Variants in CNBD1 observed in about 807,000 individuals in gnomAD.
CNBD1 encodes cyclic nucleotide-binding domain-containing protein 1.
A neutral mutation model predicts 54.4 loss-of-function variants in CNBD1; 71 were observed. The observed-to-expected ratio is 1.30, with a 90% confidence interval of 1.08 to 1.59. The LOEUF (loss-of-function observed/expected upper bound fraction) is 1.59. Ranked by LOEUF, CNBD1 falls within the 40% of genes most tolerant of loss-of-function variation. The pLI is 0.00. For synonymous variants in CNBD1, 182 were observed against 170.7 expected (o/e 1.07, Z -0.51); for missense variants, 659 against 518.0 (o/e 1.27, Z -2.64).
chr8:87,176,558 A>C (rs2130773480), intron 4 of CNBD1, among the ~76,000 whole-genome samples: 1 of 147,514 alleles, frequency 6.8e-6, no homozygotes, highest in Admixed American at 6.9e-5. Context: ...ATCTCGGCTC[A>C]CTGCAACCCT....
intron 8 of CNBD1, among the ~76,000 whole-genome samples, chr8:87,332,350 GAAAAAA>G (rs34418577): frequency 8.6e-6 from 1 of 116,390 alleles, no homozygotes; most frequent in African/African-American, 3.2e-5. Context: ...TCTGTCTAAA[GAAAAAA>G]AAAAAAAAAA....
chr8:87,391,301 A>C (rs778121419), intron 2 of CNBD1, among the ~76,000 whole-genome samples: 1 of 152,136 alleles, frequency 6.6e-6, no homozygotes, highest in Non-Finnish European at 1.5e-5. Flanking sequence ...AAATTGATGC[A>C]CAAATTCAAT....
chr8:87,424,089 G>A (rs1013107726), intron 2 of CNBD1, among the ~76,000 whole-genome samples: 1 of 152,200 alleles, frequency 6.6e-6, no homozygotes, highest in Non-Finnish European at 1.5e-5. Context: ...ATTCTCTGAT[G>A]GTAGTTTGTA....
intron 1 of CNBD1, among the ~76,000 whole-genome samples, chr8:86,875,843 A>G (rs546015609): frequency 2.4e-4 from 36 of 152,280 alleles, no homozygotes; most frequent in African/African-American, 8.2e-4. Flanking sequence ...AAAAATTTCA[A>G]CTTATTGTGG....
chr8:87,308,591 A>C (rs559827097), intron 8 of CNBD1, among the ~76,000 whole-genome samples: 1 of 152,314 alleles, frequency 6.6e-6, no homozygotes, highest in East Asian at 1.9e-4. Context: ...TCTTTGTGTT[A>C]GAAACATTTC....
intron 2 of CNBD1, among the ~76,000 whole-genome samples, chr8:87,388,603 C>T (rs553260564): frequency 2.6e-5 from 4 of 152,018 alleles, no homozygotes; most frequent in African/African-American, 7.2e-5. Context: ...ATTGAGGCAA[C>T]AATTAATAGC....
intron 3 of CNBD1, among the ~76,000 whole-genome samples, chr8:86,918,782 C>T (rs1456182585): frequency 7.0e-6 from 1 of 143,610 alleles, no homozygotes; most frequent in African/African-American, 2.6e-5. Context: ...CAAACTAATA[C>T]ACATGCTATC....
intron 4 of CNBD1, among the ~76,000 whole-genome samples, chr8:87,102,070 G>T (rs1199455864): frequency 1.3e-5 from 2 of 151,962 alleles, no homozygotes; most frequent in Non-Finnish European, 2.9e-5. Context: ...TATATTTTTA[G>T]TAGAGATGGG....
chr8:86,922,007 A>C (rs1809282648), intron 3 of CNBD1, among the ~76,000 whole-genome samples: 1 of 152,114 alleles, frequency 6.6e-6, no homozygotes, highest in Non-Finnish European at 1.5e-5. Flanking sequence ...CATTGAGGGC[A>C]GATGGTGTAC....
intron 6 of CNBD1, among the ~76,000 whole-genome samples, chr8:87,252,572 C>T (rs996961889): frequency 1.1e-4 from 16 of 152,212 alleles, no homozygotes; most frequent in South Asian, 2.1e-4. Context: ...TGTAAACTGA[C>T]GGCTCTGCTG....
chr8:87,202,922 C>T (rs1310950423), intron 4 of CNBD1, among the ~76,000 whole-genome samples: 1 of 152,064 alleles, frequency 6.6e-6, no homozygotes, highest in Non-Finnish European at 1.5e-5. Context: ...GGCAACTTTC[C>T]CCCATGAGGC....
downstream of CNBD1, among the ~76,000 whole-genome samples, chr8:87,386,463 G>A (rs900044729): frequency 9.2e-5 from 14 of 152,106 alleles, no homozygotes; most frequent in Non-Finnish European, 1.5e-4. Context: ...ACTATGTGAC[G>A]AATACACAAG....
chr8:86,981,776 T>A (rs1808494152), intron 4 of CNBD1, among the ~76,000 whole-genome samples: 1 of 152,226 alleles, frequency 6.6e-6, no homozygotes. Flanking sequence ...ATAGTATGGA[T>A]ATACTGTAAT....
intron 6 of CNBD1, among the ~76,000 whole-genome samples, chr8:87,281,098 T>A (rs2130866636): frequency 6.6e-6 from 1 of 151,780 alleles, no homozygotes; most frequent in African/African-American, 2.4e-5. Context: ...GATTATTACC[T>A]GCAGTTTTCG....
At chr8:86,871,360 T>C (rs992445532) in intron 1 of CNBD1, among the ~76,000 whole-genome samples, 1 of 152,252 alleles carries the variant, frequency 6.6e-6, no homozygotes, top group Non-Finnish European at 1.5e-5. Context: ...TCCTCCAGCA[T>C]CTTTCACAGA....
intron 8 of CNBD1, among the ~76,000 whole-genome samples, chr8:87,324,933 G>A (rs1177508498): frequency 9.3e-6 from 1 of 107,100 alleles, no homozygotes; most frequent in Non-Finnish European, 1.9e-5. Context: ...TTCTCTTGTG[G>A]GCATTCAGTG....
chr8:87,062,679 GGTGA>G (rs2130641507), intron 4 of CNBD1, among the ~76,000 whole-genome samples: 1 of 151,836 alleles, frequency 6.6e-6, no homozygotes, highest in African/African-American at 2.4e-5. Flanking sequence ...CAGCGATTGC[GGTGA>G]GCCAAGATCA....
At chr8:86,921,684 G>T (rs1047273493) in intron 3 of CNBD1, among the ~76,000 whole-genome samples, 4 of 152,218 alleles carry the variant, frequency 2.6e-5, no homozygotes, top group Admixed American at 6.5e-5. Context: ...AGAACAGTAT[G>T]GGGGAAACTA....
At chr8:87,178,396 A>G (rs1187448261) in intron 4 of CNBD1, among the ~76,000 whole-genome samples, 1 of 152,220 alleles carries the variant, frequency 6.6e-6, no homozygotes, top group Non-Finnish European at 1.5e-5. Flanking sequence ...ATATCTGGAG[A>G]AAGAATATTT....
Sources: allele counts gnomAD v4.1 joint callset (sites outside exome capture counted in the v4.1 genomes callset), GRCh38; gene constraint gnomAD v4.1.1; transcripts MANE v1.5; gene names NCBI Gene and HGNC (gene_info 2026-07-23, HGNC 2026-07-21).